The following PARD6B variants were observed in gnomAD, a reference collection of about 807,000 sequenced individuals.
PARD6B encodes the protein partitioning defective 6 homolog beta.
In PARD6B, 4 loss-of-function variants were observed where a neutral mutation model predicts 10.5. The observed-to-expected ratio is 0.38, with a 90% CI of 0.19 to 0.87. The LOEUF (loss-of-function observed/expected upper bound fraction) is 0.87, where lower values mean the gene tolerates loss of function less well. PARD6B is among the 40% of genes least tolerant of loss of function. The pLI is 0.41. For missense variants in PARD6B, 396 were observed against 470.6 expected, an observed-to-expected ratio of 0.84 and a Z score of 1.47; for synonymous variants, 169 against 170.4, an observed-to-expected ratio of 0.99 and a Z score of 0.07.
At chr20:50,737,579 C>T (rs2087506287) in intron 1 of PARD6B, among the ~76,000 whole-genome samples, 1 of 152,126 alleles carries the variant, frequency 6.6e-6, no homozygotes, top group African/African-American at 2.4e-5. Context: ...CTATGCAGAA[C>T]AGTCCGCAGT....
At chr20:50,746,066 G>T (rs1314879449) in intron 2 of PARD6B, among the ~76,000 whole-genome samples, 4 of 147,046 alleles carry the variant, frequency 2.7e-5, no homozygotes, top group Non-Finnish European at 6.0e-5. Flanking sequence ...TTATGTAGAA[G>T]TTTTTTTTTT....
In PARD6B at chr20:50,750,141, A is replaced by C. The variant is rs747306195; in HGVS notation, c.772A>C (p.Asn258His). The C allele has an allele frequency of 2.0e-5, 32 of 1,614,140 alleles. No homozygotes were observed. The highest frequency in any genetic ancestry group is 2.6e-5 in the Non-Finnish European group (31 of 1,180,060). ...PANQRNNVVR[N>H]SRTSGSSGQS... is the part of the protein sequence containing the mutation. ...AAACCAGAGGAATAATGTTGTGAGGAACAGTCGGACTTCTGGCAGTTCCGG... is the reference window on the plus strand; with the variant it reads ...AAACCAGAGGAATAATGTTGTGAGGCACAGTCGGACTTCTGGCAGTTCCGG... Residue 258 changes from asparagine to histidine, a missense_variant, in exon 3 of 3, where the codon AAC becomes CAC. Asn to His is a moderately conservative substitution (Grantham distance 68). Transcript: ENST00000371610.
At position 50,750,079 on chromosome 20, in the gene PARD6B, C is replaced by T. The variant is rs77747604; in HGVS notation, c.710C>T (p.Ala237Val). The T allele has an allele frequency of 6.2e-7, 1 of 1,614,178 alleles. No homozygotes were observed. Among genetic ancestry groups the T allele is most frequent in the East Asian group, 2.2e-5 (1 of 44,890 alleles). The change falls in exon 3 of 3, where the codon GCA (alanine) becomes GTA (valine). Residue 237 changes from alanine to valine, a missense_variant. Physicochemically the swap from Ala to Val is moderately conservative, Grantham distance 64. This residue lies in a region of PARD6B where 188 missense variants were observed against 169.7 expected (regional missense o/e 1.11). Transcript: ENST00000371610. The stretch of plus-strand genomic sequence containing the variant: ...GATCAAGTAACAGACATGATGATTG[C>T]AAATAGCCGTAACCTCATCATAACA... The part of the protein sequence containing the change: ...SLDQVTDMMI[A>V]NSRNLIITVR...
chr20:50,742,344 C>G (rs2087535578), intron 2 of PARD6B, among the ~76,000 whole-genome samples: 2 of 151,868 alleles, frequency 1.3e-5, no homozygotes, highest in African/African-American at 4.8e-5. Flanking sequence ...GTGCCTGGCC[C>G]CAAGTGATTT....
Position 50,750,615 on chromosome 20 carries a change from A to G in PARD6B, c.*127A>G, listed in dbSNP as rs1299556739. ...ATGAGACGAGTAACGTTGCAAGCTTACAATATTATTAAAGTAGTAGTTTGA... is the reference window on the plus strand; with the variant it reads ...ATGAGACGAGTAACGTTGCAAGCTTGCAATATTATTAAAGTAGTAGTTTGA... On this transcript the variant is annotated 3_prime_UTR_variant, in exon 3 of 3. Coordinates refer to ENST00000371610, the MANE Select transcript of PARD6B (RefSeq NM_032521.3). 1.2e-5 allele frequency: 17 copies of G among 1,428,948 alleles called. No homozygotes were observed. The highest frequency in any genetic ancestry group is 1.6e-5 in the Non-Finnish European group (17 of 1,095,842). The allele number at this position is 1,428,948 out of a possible 1,614,324, so 88.5% of individuals were successfully genotyped here. A position where few individuals can be genotyped will look rare whatever the true frequency, so the allele number is the denominator to read the frequency against.
chr20:50,752,702 A>G lies in PARD6B; in HGVS notation c.*2214A>G, dbSNP rs1239755233. ...GTGCTATTACAACAATGAAGATTCA[A>G]ATGACTCCGCTTTGAAGGATGTTTT... On this transcript the variant is annotated 3_prime_UTR_variant, in exon 3 of 3. Coordinates refer to ENST00000371610, the MANE Select transcript of PARD6B (RefSeq NM_032521.3). 14 of 980,838 alleles carry G rather than the reference A, an allele frequency of 1.4e-5. No homozygotes were observed. The highest frequency in any genetic ancestry group is 9.4e-5 in the South Asian group (2 of 21,184). 60.8% of individuals were successfully genotyped at this position (980,838 alleles called of 1,614,324 possible). A position where few individuals can be genotyped will look rare whatever the true frequency, so the allele number is the denominator to read the frequency against.
In PARD6B at chr20:50,751,776, T is replaced by C. The variant is rs1259529894; in HGVS notation, c.*1288T>C. 3.1e-6 allele frequency: 3 copies of C among 964,996 alleles called. No individual in the cohort carries two copies. The highest frequency in any genetic ancestry group is 2.4e-6 in the Non-Finnish European group (2 of 818,670). The allele number at this position is 964,996 out of a possible 1,614,324, so 59.8% of individuals were successfully genotyped here. A position where few individuals can be genotyped will look rare whatever the true frequency, so the allele number is the denominator to read the frequency against. The stretch of plus-strand genomic sequence containing the variant: ...CTCTGTCACCCAGGCTGGAGTGCAG[T>C]GGTGCAATCTCAGCTCCCGGGTTCA... On this transcript the variant is annotated 3_prime_UTR_variant, in exon 3 of 3. Transcript: ENST00000371610.
intron 2 of PARD6B, among the ~76,000 whole-genome samples, chr20:50,741,078 A>C (rs187805326): frequency 6.6e-6 from 1 of 151,104 alleles, no homozygotes; most frequent in Non-Finnish European, 1.5e-5. Flanking sequence ...GTCCTGCCTC[A>C]GCCTCCTGAG....
At chr20:50,740,187 G>A (rs538681876) in intron 2 of PARD6B, among the ~76,000 whole-genome samples, 1 of 152,234 alleles carries the variant, frequency 6.6e-6, no homozygotes, top group African/African-American at 2.4e-5. Flanking sequence ...TAAAATTTTG[G>A]GAGTAGACAT....
Position 50,752,274 on chromosome 20 carries a change from A to G in PARD6B, c.*1786A>G. 2 of 985,818 alleles carry G rather than the reference A, an allele frequency of 2.0e-6. No homozygotes were observed. The highest frequency in any genetic ancestry group is 2.4e-6 in the Non-Finnish European group (2 of 829,922). The allele number at this position is 985,818 out of a possible 1,614,324, so 61.1% of individuals were successfully genotyped here. A position where few individuals can be genotyped will look rare whatever the true frequency, so the allele number is the denominator to read the frequency against. On this transcript the variant is annotated 3_prime_UTR_variant, in exon 3 of 3. Transcript: ENST00000371610. Reference sequence around the variant, plus strand: ...CAAGTATGCATCATTTTGGATAAAAAATACATCCAAATTAAGATGTTTTAA... The same window carrying G: ...CAAGTATGCATCATTTTGGATAAAAGATACATCCAAATTAAGATGTTTTAA...
chr20:50,753,412 G>A lies in PARD6B; in HGVS notation c.*2924G>A. The A allele has an allele frequency of 2.0e-6, 2 of 983,820 alleles. No individual in the cohort carries two copies. The highest frequency in any genetic ancestry group is 2.4e-6 in the Non-Finnish European group (2 of 828,126). 60.9% of individuals were successfully genotyped at this position (983,820 alleles called of 1,614,324 possible). ...GTGCACCTTATTAACAAAAGTATCA[G>A]TGGATCCAACATAAAATTTTATAGT... is the stretch of plus-strand genomic sequence containing the variant. On this transcript the variant is annotated 3_prime_UTR_variant, in exon 3 of 3. Coordinates refer to ENST00000371610, the MANE Select transcript of PARD6B (RefSeq NM_032521.3).
chr20:50,745,586 A>G (rs1464057970), intron 2 of PARD6B, among the ~76,000 whole-genome samples: 1 of 152,038 alleles, frequency 6.6e-6, no homozygotes, highest in Non-Finnish European at 1.5e-5. Flanking sequence ...TTCAGCTTCG[A>G]CCTCTCAGGC....
In PARD6B at chr20:50,751,635, C is replaced by G. The variant is rs1398945997; in HGVS notation, c.*1147C>G. 6.1e-6 allele frequency: 6 copies of G among 985,006 alleles called. No individual in the cohort carries two copies. The highest frequency in any genetic ancestry group is 7.2e-6 in the Non-Finnish European group (6 of 829,976). 61.0% of individuals were successfully genotyped at this position (985,006 alleles called of 1,614,324 possible). On this transcript the variant is annotated 3_prime_UTR_variant, in exon 3 of 3. Transcript: ENST00000371610. Reference sequence around the variant, plus strand: ...TGCTGGGATTACAGGCGTGAGCCACCGCGCCCAGTTGTGCATTTCTGGTTT... The same window carrying G: ...TGCTGGGATTACAGGCGTGAGCCACGGCGCCCAGTTGTGCATTTCTGGTTT...
At chr20:50,747,805 G>A (rs114892620) in intron 2 of PARD6B, among the ~76,000 whole-genome samples, 42 of 152,008 alleles carry the variant, frequency 2.8e-4, no homozygotes, top group African/African-American at 9.4e-4. Flanking sequence ...TTTAAAGATC[G>A]CAAGATTTTG....
In PARD6B at chr20:50,752,792, T is replaced by C. The variant is rs183253488; in HGVS notation, c.*2304T>C. 9.2e-6 allele frequency: 9 copies of C among 975,210 alleles called. No homozygotes were observed. In the East Asian group the frequency reaches 8.0e-4, roughly 87 times the overall value. 60.4% of individuals were successfully genotyped at this position (975,210 alleles called of 1,614,324 possible). A position where few individuals can be genotyped will look rare whatever the true frequency, so the allele number is the denominator to read the frequency against. ...GTGAAGATCACTTGACTCAGAATAC[T>C]TCAATGTATTTTGTTCACATTACCA... is the stretch of plus-strand genomic sequence containing the variant. On this transcript the variant is annotated 3_prime_UTR_variant, in exon 3 of 3. Transcript: ENST00000371610.
chr20:50,735,082 G>A (rs1600814083), intron 1 of PARD6B, among the ~76,000 whole-genome samples: 1 of 152,146 alleles, frequency 6.6e-6, no homozygotes, highest in Non-Finnish European at 1.5e-5. Context: ...CCTGGGAGGC[G>A]GAGGTTGCAG....
In PARD6B at chr20:50,749,386, C is replaced by T. The variant is rs1040687767; in HGVS notation, c.290-273C>T. Among the ~76,000 whole-genome samples the T allele has an allele frequency of 3.3e-5, 5 of 151,898 alleles. No homozygotes were observed. In the East Asian group the frequency reaches 9.6e-4, roughly 29 times the overall value. On this transcript the variant is annotated intron_variant, in intron 2 of 2. Transcript: ENST00000371610. ...TAAGATCTATCATAGTTTCATTTGC[C>T]ATATTTAATGTTTAAAAGTGAATGA...
At chr20:50,744,626 C>T (rs1362161506) in intron 2 of PARD6B, among the ~76,000 whole-genome samples, 1 of 152,054 alleles carries the variant, frequency 6.6e-6, no homozygotes, top group Non-Finnish European at 1.5e-5. Flanking sequence ...TCTGACTCAG[C>T]TCCTGACTCC....
At chr20:50,743,531 G>T (rs2087542582) in intron 2 of PARD6B, among the ~76,000 whole-genome samples, 1 of 152,048 alleles carries the variant, frequency 6.6e-6, no homozygotes, top group Admixed American at 6.6e-5. Flanking sequence ...ATGAATCAGG[G>T]TTTAAAGTTG....
Sources: gnomAD v4.1 joint callset for allele counts (sites outside exome capture counted in the v4.1 genomes callset) on GRCh38, gnomAD v4.1.1 for gene constraint, gnomAD v4.1.1 regional missense constraint, MANE v1.5 for transcripts, NCBI Gene and HGNC (gene_info 2026-07-23, HGNC 2026-07-21) for gene names.